Variants in CAMTA1 observed in about 807,000 individuals in gnomAD.
CAMTA1 encodes calmodulin binding transcription activator 1.
A neutral mutation model predicts 170.9 loss-of-function variants in CAMTA1; 27 were observed. That is an observed-to-expected ratio of 0.16 (90% confidence interval 0.12 to 0.22). CAMTA1 has a LOEUF of 0.22. Ranked by LOEUF, CAMTA1 falls within the 10% of genes least tolerant of loss-of-function variation. The pLI is 1.00. For synonymous variants in CAMTA1, 833 were observed against 891.5 expected, an observed-to-expected ratio of 0.93 and a Z score of 1.17; for missense variants, 1,619 against 2,217.2, an observed-to-expected ratio of 0.73 and a Z score of 5.42.
intron 3 of CAMTA1, among the ~76,000 whole-genome samples, chr1:6,899,850 T>C (rs2149198451): frequency 1.3e-5 from 2 of 152,364 alleles, no homozygotes; most frequent in South Asian, 4.1e-4. Flanking sequence ...GTTTCCTTGT[T>C]TCTGTGTACT....
chr1:6,802,726 GTC>G (rs1186294065), intron 1 of CAMTA1, among the ~76,000 whole-genome samples: 3 of 151,278 alleles, frequency 2.0e-5, no homozygotes, highest in African/African-American at 7.3e-5. Context: ...CTTTTTCTTT[GTC>G]TCTCTCTCTC....
chr1:7,517,797 T>C (rs2094307082), intron 6 of CAMTA1, among the ~76,000 whole-genome samples: 1 of 151,940 alleles, frequency 6.6e-6, no homozygotes, highest in Non-Finnish European at 1.5e-5. Flanking sequence ...GGCGATGTAC[T>C]TTCGGAGTAC....
At chr1:7,350,739 A>G (rs916314950) in intron 5 of CAMTA1, among the ~76,000 whole-genome samples, 3 of 151,406 alleles carry the variant, frequency 2.0e-5, no homozygotes, top group East Asian at 1.9e-4. Flanking sequence ...GTGTGTGTGT[A>G]TGTGTGTGTA....
chr1:7,559,867 C>G (rs560144039), intron 6 of CAMTA1, among the ~76,000 whole-genome samples: 2 of 152,334 alleles, frequency 1.3e-5, no homozygotes, highest in South Asian at 2.1e-4. Context: ...CAGGGCCTGA[C>G]TGCAGGAGAA....
intron 6 of CAMTA1, among the ~76,000 whole-genome samples, chr1:7,479,817 T>C (rs2093481907): frequency 6.6e-6 from 1 of 152,244 alleles, no homozygotes; most frequent in African/African-American, 2.4e-5. Flanking sequence ...CCCCACTGGC[T>C]GGCAGCCACC....
chr1:7,647,589 G>A (rs969775998), intron 7 of CAMTA1, among the ~76,000 whole-genome samples: 2 of 152,198 alleles, frequency 1.3e-5, no homozygotes, highest in Non-Finnish European at 2.9e-5. Flanking sequence ...ATTCTGGAGT[G>A]GTGGGGCTTG....
At chr1:7,201,525 G>T (rs530705030) in intron 4 of CAMTA1, among the ~76,000 whole-genome samples, 2 of 152,204 alleles carry the variant, frequency 1.3e-5, no homozygotes, top group African/African-American at 4.8e-5. Flanking sequence ...GAGGGTTCCA[G>T]TTTCTCTGTC....
rs117687011 is a variant in CAMTA1 at position 7,096,727 on chromosome 1, C to T, written c.302+5356C>T. Reference sequence around the variant, plus strand: ...CCAGGTTCAGCTGTGTCCTCACTGCCACTGTTACGCTTGGAGTATTGAAAT... The same window carrying T: ...CCAGGTTCAGCTGTGTCCTCACTGCTACTGTTACGCTTGGAGTATTGAAAT... On this transcript the variant is annotated intron_variant, in intron 4 of 22. Transcript: ENST00000303635. 1.5e-4 allele frequency among the ~76,000 whole-genome samples: 23 copies of T among 152,298 alleles called. No individual in the cohort carries two copies. In the East Asian group the frequency reaches 3.5e-3, roughly 23 times the overall value.
At chr1:7,281,508 G>T (rs1378868002) in intron 5 of CAMTA1, among the ~76,000 whole-genome samples, 2 of 152,038 alleles carry the variant, frequency 1.3e-5, no homozygotes, top group Non-Finnish European at 2.9e-5. Context: ...AGCAAAGTAG[G>T]AAAACAATCA....
At chr1:7,138,693 T>C (rs1433127922) in intron 4 of CAMTA1, among the ~76,000 whole-genome samples, 2 of 152,150 alleles carry the variant, frequency 1.3e-5, no homozygotes, top group African/African-American at 4.8e-5. Context: ...TTTTACTTAC[T>C]TAAAAATATA....
intron 4 of CAMTA1, among the ~76,000 whole-genome samples, chr1:7,155,454 G>T (rs1646818765): frequency 6.6e-6 from 1 of 151,638 alleles, no homozygotes; most frequent in Non-Finnish European, 1.5e-5. Context: ...CCTTGAGCTG[G>T]AAATAAGGAG....
intron 3 of CAMTA1, among the ~76,000 whole-genome samples, chr1:6,959,587 A>G (rs1218888452): frequency 1.3e-5 from 2 of 152,246 alleles, no homozygotes; most frequent in Admixed American, 6.5e-5. Context: ...GAGATGAGGC[A>G]TAAAGTCAGG....
chr1:7,311,207 A>G (rs565800081), intron 5 of CAMTA1, among the ~76,000 whole-genome samples: 95 of 152,360 alleles, frequency 6.2e-4, no homozygotes, highest in Admixed American at 1.4e-3. Flanking sequence ...TATCTGTATC[A>G]CAATCCTTTT....
intron 3 of CAMTA1, among the ~76,000 whole-genome samples, chr1:7,013,153 G>A (rs556069014): frequency 3.1e-4 from 46 of 149,870 alleles, no homozygotes; most frequent in African/African-American, 1.0e-3. Flanking sequence ...AGCACTTCTC[G>A]CTGGGGAAGT....
intron 4 of CAMTA1, among the ~76,000 whole-genome samples, chr1:7,104,008 C>A (rs904030164): frequency 6.7e-6 from 1 of 149,750 alleles, no homozygotes; most frequent in Non-Finnish European, 1.5e-5. Flanking sequence ...GAACACAACA[C>A]ACTACACACA....
At chr1:6,816,809 A>G (rs1319004407) in intron 1 of CAMTA1, among the ~76,000 whole-genome samples, 1 of 152,194 alleles carries the variant, frequency 6.6e-6, no homozygotes, top group African/African-American at 2.4e-5. Flanking sequence ...AGGCGCCTAG[A>G]GGGAGATCAA....
rs1553229189 is a variant in CAMTA1 at position 7,633,836 on chromosome 1, CG to C, written c.511-6563del. Among the ~76,000 whole-genome samples the C allele has an allele frequency of 6.6e-6, 1 of 152,212 alleles. No homozygotes were observed. The highest frequency in any genetic ancestry group is 1.5e-5 in the Non-Finnish European group (1 of 68,048). On this transcript the variant is annotated intron_variant, in intron 6 of 22. Transcript: ENST00000303635. The surrounding 1 kb of genome is among the most constrained non-coding windows in gnomAD (Gnocchi z 4.1). ...TGAGAGATTAGTGCTGCAAAGACAGCGAGGCGGGAACCAGGCAAGGTGGGCA... is the reference window on the plus strand; with the variant it reads ...TGAGAGATTAGTGCTGCAAAGACAGCAGGCGGGAACCAGGCAAGGTGGGCA...
intron 5 of CAMTA1, among the ~76,000 whole-genome samples, chr1:7,383,697 G>A (rs1011519138): frequency 4.6e-5 from 7 of 152,220 alleles, no homozygotes; most frequent in South Asian, 4.2e-4. Context: ...TACTGTCGAT[G>A]CTGTCGAACA....
intron 6 of CAMTA1, among the ~76,000 whole-genome samples, chr1:7,480,058 AGT>A (rs1460261391): frequency 4.7e-5 from 7 of 150,024 alleles, no homozygotes; most frequent in African/African-American, 5.0e-5. Flanking sequence ...AGTCCGTATG[AGT>A]GTGTTTGTGT....
Sources: allele counts gnomAD v4.1 joint callset (sites outside exome capture counted in the v4.1 genomes callset), GRCh38; gene constraint gnomAD v4.1.1; non-coding constraint Gnocchi (gnomAD v3.1); transcripts MANE v1.5; gene names NCBI Gene and HGNC (gene_info 2026-07-23, HGNC 2026-07-21).